Variants in VWA8 observed in about 807,000 individuals in gnomAD.
VWA8 encodes the protein von Willebrand factor A domain-containing protein 8.
A neutral mutation model predicts 241.5 loss-of-function variants in VWA8; 221 were observed. The observed-to-expected ratio is 0.91, with a 90% CI of 0.82 to 1.02. The LOEUF is 1.02. Among genes scored for constraint, VWA8 ranks in the 50% least tolerant of loss-of-function variants. The pLI is 0.00. For missense variants in VWA8, 2,322 were observed against 2,328.7 expected, an observed-to-expected ratio of 1.00 and a Z score of 0.06; for synonymous variants, 852 against 827.1, an observed-to-expected ratio of 1.03 and a Z score of -0.52.
rs142438665 is a variant in VWA8, at chr13:41,726,067, C to T, written c.2758+1127G>A. Reference sequence around the variant, plus strand: ...TCCTGCCTTTTCCAAAACATATGAACGGGTAAACTACTATACCCACTTTAC... The same window carrying T: ...TCCTGCCTTTTCCAAAACATATGAATGGGTAAACTACTATACCCACTTTAC... On this transcript the variant is annotated intron_variant, in intron 24 of 44. Coordinates refer to ENST00000379310, the MANE Select transcript of VWA8 (RefSeq NM_015058.2). Among the ~76,000 whole-genome samples, 14 of 152,206 alleles carry T rather than the reference C, an allele frequency of 9.2e-5. No individual in the cohort carries two copies. In the East Asian group the frequency reaches 9.7e-4, roughly 10 times the overall value.
chr13:41,597,650 T>G (rs937416285), intron 40 of VWA8, among the ~76,000 whole-genome samples: 1 of 152,110 alleles, frequency 6.6e-6, no homozygotes, highest in African/African-American at 2.4e-5. Context: ...TTCAGGTCTT[T>G]CCTTCAAGAA....
rs116537750 is a variant in VWA8 at position 41,908,036 on chromosome 13, C to T, written c.373-340G>A. 8.5e-3 allele frequency among the ~76,000 whole-genome samples: 1,287 copies of T among 152,262 alleles called. 16 individuals are homozygous for T. The highest frequency in any genetic ancestry group is 0.027 in the African/African-American group (1,132 of 41,542). ...ACAGTATTACTATTTGGTTTGCCCA[C>T]AAACTATAGCCATTTCTGTAAGTAA... is the stretch of plus-strand genomic sequence containing the variant. On this transcript the variant is annotated intron_variant, in intron 3 of 44. Coordinates refer to ENST00000379310, the MANE Select transcript of VWA8 (RefSeq NM_015058.2).
intron 30 of VWA8, 21 bp downstream of exon 30, chr13:41,692,841 G>T: frequency 6.3e-7 from 1 of 1,575,988 alleles, no homozygotes; most frequent in Non-Finnish European, 8.7e-7. Flanking sequence ...CAATTTGTGG[G>T]ACAAATGTGG....
At chr13:41,832,479 A>G (rs866411493) in intron 13 of VWA8, among the ~76,000 whole-genome samples, 1 of 152,206 alleles carries the variant, frequency 6.6e-6, no homozygotes, top group African/African-American at 2.4e-5. Context: ...GTTTGTGACT[A>G]TTTTTAAATG....
intron 9 of VWA8, among the ~76,000 whole-genome samples, chr13:41,871,769 T>C (rs1033263074): frequency 1.1e-4 from 17 of 152,164 alleles, no homozygotes; most frequent in African/African-American, 3.6e-4. Flanking sequence ...TAAACATACA[T>C]GTGCATGTGT....
chr13:41,801,394 AG>A (rs1245490598), intron 17 of VWA8, among the ~76,000 whole-genome samples: 1 of 152,150 alleles, frequency 6.6e-6, no homozygotes, highest in Non-Finnish European at 1.5e-5. Flanking sequence ...TTTAACTACA[AG>A]AAAAACTGTC....
chr13:41,865,613 C>T, intron 12 of VWA8, 123 bp downstream of exon 12: 2 of 947,014 alleles, frequency 2.1e-6, no homozygotes, highest in Non-Finnish European at 3.1e-6. Flanking sequence ...AATTTTATTA[C>T]TATTTTGGTT....
Position 41,703,291 on chromosome 13 carries a change from G to A in VWA8, c.3225+12C>T. 1 of 1,600,170 alleles carries A rather than the reference G, an allele frequency of 6.2e-7. No homozygotes were observed. Among genetic ancestry groups the A allele is most frequent in the Non-Finnish European group, 8.6e-7 (1 of 1,167,660 alleles). ...GTTCAATATTTTAAGAGAGAATAAT[G>A]ATGATATCAACCTTTATGTCTATAT... On this transcript the variant is annotated intron_variant, in intron 27 of 44. Coordinates refer to ENST00000379310, the MANE Select transcript of VWA8 (RefSeq NM_015058.2).
rs370149070 is a variant in VWA8 at position 41,949,985 on chromosome 13, G to A, written c.192C>T (p.Ser64=). Residue 64 remains serine, a synonymous_variant, in exon 2 of 45, where the codon TCC becomes TCT. Coordinates refer to ENST00000379310, the MANE Select transcript of VWA8 (RefSeq NM_015058.2). ...GATTCTTAGGAATTTTCAACTTGTA[G>A]GATACATCTCCAATATTAACTGTAT... ...TGDTVNIGDV[S]YKLKIPKNPE... 18 of 1,594,502 alleles carry A rather than the reference G, an allele frequency of 1.1e-5. No homozygotes were observed. The African/African-American group carries it at 2.0e-4, about 18-fold the overall frequency.
chr13:41,960,761 A>C, intron 1 of VWA8, 92 bp downstream of exon 1: 5 of 1,412,128 alleles, frequency 3.5e-6, no homozygotes, highest in Non-Finnish European at 4.6e-6. Flanking sequence ...TTCCAAGCGC[A>C]GCGAAGCAAC....
At chr13:41,804,764 A>G (rs985592287) in intron 17 of VWA8, among the ~76,000 whole-genome samples, 37 of 152,204 alleles carry the variant, frequency 2.4e-4, no homozygotes, top group African/African-American at 8.4e-4. Flanking sequence ...AAAAAGTGAA[A>G]AAGTGGGTGG....
chr13:41,774,123 AATTTATTT>A (rs780765968), intron 20 of VWA8, among the ~76,000 whole-genome samples: 1 of 151,868 alleles, frequency 6.6e-6, no homozygotes, highest in African/African-American at 2.4e-5. Flanking sequence ...ACTCATTAGG[AATTTATTT>A]ATTTATTTAT....
chr13:41,846,178 G>A (rs1483543577), intron 12 of VWA8, among the ~76,000 whole-genome samples: 2 of 152,066 alleles, frequency 1.3e-5, no homozygotes, highest in Admixed American at 1.3e-4. Context: ...TGGGAATACA[G>A]GTGTGTGCCA....
chr13:41,925,826 C>T (rs1385256837), intron 2 of VWA8: 4 of 290,124 alleles, frequency 1.4e-5, no homozygotes, highest in Non-Finnish European at 2.8e-5. Flanking sequence ...ATCAACACTA[C>T]AAGATCCATA....
rs114008518 is a variant in VWA8, at chr13:41,845,216, T to C, written c.1426-11685A>G. ...AAAAATGCTCAACATCACTAATCAT[T>C]AGAGAAATGCCAATCAAAACAATGA... On this transcript the variant is annotated intron_variant, in intron 12 of 44. Coordinates refer to ENST00000379310, the MANE Select transcript of VWA8 (RefSeq NM_015058.2). Among the ~76,000 whole-genome samples, 969 of 152,092 alleles carry C rather than the reference T, an allele frequency of 6.4e-3. 7 individuals are homozygous for C. The highest frequency in any genetic ancestry group is 0.022 in the African/African-American group (921 of 41,494).
At chr13:41,950,138 T>C (rs1878057641) in intron 1 of VWA8, 125 bp from the exon 2 acceptor site, 1 of 527,066 alleles carries the variant, frequency 1.9e-6, no homozygotes, top group Non-Finnish European at 3.3e-6. Flanking sequence ...CAGCTGTCTA[T>C]AAGTCAAGCA....
intron 34 of VWA8, among the ~76,000 whole-genome samples, chr13:41,685,522 G>A (rs1489964636): frequency 1.3e-5 from 2 of 151,980 alleles, no homozygotes; most frequent in Non-Finnish European, 2.9e-5. Context: ...CAGACATCGT[G>A]GCACATGTCT....
intron 29 of VWA8, 137 bp downstream of exon 29, chr13:41,698,934 A>G: frequency 8.8e-7 from 1 of 1,133,636 alleles, no homozygotes; most frequent in Non-Finnish European, 1.3e-6. Flanking sequence ...GTACTGATAA[A>G]ATGCAACTCC....
intron 17 of VWA8, among the ~76,000 whole-genome samples, chr13:41,791,070 T>C (rs1869437012): frequency 6.6e-6 from 1 of 151,998 alleles, no homozygotes; most frequent in Non-Finnish European, 1.5e-5. Flanking sequence ...TTTTAAAATT[T>C]TCCACAAAAT....
Sources: allele counts gnomAD v4.1 joint callset (sites outside exome capture counted in the v4.1 genomes callset), GRCh38; gene constraint gnomAD v4.1.1; transcripts MANE v1.5; gene names NCBI Gene and HGNC (gene_info 2026-07-23, HGNC 2026-07-21).